Variants in KAZN observed in about 807,000 individuals in gnomAD.
The protein encoded by KAZN is kazrin, periplakin interacting protein, also known as kazrin.
In KAZN, 40 loss-of-function variants were observed where a neutral mutation model predicts 87.4. The observed-to-expected ratio is 0.46, with a 90% CI of 0.36 to 0.60. The LOEUF is 0.60. Among genes scored for constraint, KAZN ranks in the 20% least tolerant of loss-of-function variants. The probability of loss-of-function intolerance (pLI) is 0.00; values close to 1 mark genes in which losing one functional copy is unlikely to be tolerated. For synonymous variants in KAZN, 466 were observed against 458.3 expected, an observed-to-expected ratio of 1.02 and a Z score of -0.22; for missense variants, 898 against 1,073.9, an observed-to-expected ratio of 0.84 and a Z score of 2.29.
At chr1:14,525,835 G>A (rs1269579586) in intron 2 of KAZN, among the ~76,000 whole-genome samples, 1 of 152,194 alleles carries the variant, frequency 6.6e-6, no homozygotes. Context: ...TTAATACTCA[G>A]TGCAATCCTA....
chr1:14,927,856 C>T (rs552956379), intron 1 of KAZN, among the ~76,000 whole-genome samples: 17 of 152,286 alleles, frequency 1.1e-4, no homozygotes, highest in African/African-American at 4.1e-4. Context: ...ATGAAACCCG[C>T]GGTTGAGGGG....
At chr1:14,065,346 AAC>A (rs555356347) in intron 1 of KAZN, among the ~76,000 whole-genome samples, 213 of 152,332 alleles carry the variant, frequency 1.4e-3, no homozygotes, top group African/African-American at 4.9e-3. Context: ...CTTTCACGGT[AAC>A]ACACACATGA....
chr1:14,536,978 G>A (rs1199313094), intron 2 of KAZN, among the ~76,000 whole-genome samples: 1 of 152,092 alleles, frequency 6.6e-6, no homozygotes, highest in Non-Finnish European at 1.5e-5. Context: ...TACAATAGAT[G>A]TTCACTAGAC....
chr1:14,469,264 A>G (rs1668322339), intron 2 of KAZN, among the ~76,000 whole-genome samples: 1 of 152,258 alleles, frequency 6.6e-6, no homozygotes, highest in Non-Finnish European at 1.5e-5. Flanking sequence ...AAAGTGTTCC[A>G]ATAGATCTTT....
intron 1 of KAZN, among the ~76,000 whole-genome samples, chr1:14,685,014 G>T (rs2148770363): frequency 6.6e-6 from 1 of 152,326 alleles, no homozygotes; most frequent in South Asian, 2.1e-4. Flanking sequence ...ATTGTCCTAT[G>T]TGCTCCATCC....
At chr1:14,657,516 T>C (rs1045209940) in intron 1 of KAZN, among the ~76,000 whole-genome samples, 3 of 152,192 alleles carry the variant, frequency 2.0e-5, no homozygotes, top group African/African-American at 7.2e-5. Flanking sequence ...GGACCACACT[T>C]TGGGGACACT....
intron 1 of KAZN, among the ~76,000 whole-genome samples, chr1:14,783,103 T>G (rs773814461): frequency 6.6e-6 from 1 of 152,120 alleles, no homozygotes; most frequent in Non-Finnish European, 1.5e-5. Context: ...AGCCCTGAAG[T>G]GCTCAGTGCA....
intron 1 of KAZN, among the ~76,000 whole-genome samples, chr1:14,604,303 AG>A (rs1167153846): frequency 2.0e-5 from 3 of 152,196 alleles, no homozygotes; most frequent in Non-Finnish European, 4.4e-5. Flanking sequence ...CGAAGCCAAC[AG>A]GGTGGCCATC....
rs757461265 is a variant in KAZN at position 14,166,053 on chromosome 1, G to A, written c.92-14382G>A. ...GTAAATTAAAAAAACTAACATTCAC[G>A]CCTATAATCCCAGCACTTCGGGAGG... On this transcript the variant is annotated intron_variant, in intron 1 of 16. Coordinates refer to the KAZN transcript ENST00000636203. Among the ~76,000 whole-genome samples the A allele has an allele frequency of 7.9e-5, 12 of 152,136 alleles. No homozygotes were observed. The South Asian group carries it at 8.3e-4, about 10-fold the overall frequency.
intron 2 of KAZN, among the ~76,000 whole-genome samples, chr1:14,551,230 A>G (rs1160420736): frequency 6.6e-6 from 1 of 152,184 alleles, no homozygotes; most frequent in Non-Finnish European, 1.5e-5. Flanking sequence ...TCATATGGAT[A>G]GATTTCACCT....
At chr1:13,996,337 G>A (rs1639517912) in intron 1 of KAZN, among the ~76,000 whole-genome samples, 1 of 152,080 alleles carries the variant, frequency 6.6e-6, no homozygotes. Flanking sequence ...GGAGGGAGGG[G>A]CAACCAGCAC....
At chr1:14,877,309 G>A (rs1416699747) in intron 1 of KAZN, among the ~76,000 whole-genome samples, 2 of 152,130 alleles carry the variant, frequency 1.3e-5, no homozygotes, top group African/African-American at 2.4e-5. Flanking sequence ...GCTAAGGATC[G>A]CCAAGAGAAA....
intron 1 of KAZN, among the ~76,000 whole-genome samples, chr1:14,014,019 C>T (rs2101207172): frequency 6.6e-6 from 1 of 152,284 alleles, no homozygotes. Flanking sequence ...GTTGCTTGTC[C>T]TTGCATTAAA....
Position 14,134,969 on chromosome 1 carries a change from G to GCA in KAZN, c.92-45433_92-45432dup, listed in dbSNP as rs35930772. Reference sequence around the variant, plus strand: ...CACAAGCATGCATGCATATGCACCCGCACACACACACACACACACACACAC... The same window carrying GCA: ...CACAAGCATGCATGCATATGCACCCGCACACACACACACACACACACACACAC... On this transcript the variant is annotated intron_variant, in intron 1 of 16. Coordinates refer to the KAZN transcript ENST00000636203. 2.0e-3 allele frequency among the ~76,000 whole-genome samples: 198 copies of GCA among 99,068 alleles called. No individual in the cohort carries two copies. The South Asian group carries it at 0.03, about 15-fold the overall frequency. The allele number at this position is 99,068 out of a possible 152,430, so 65.0% of individuals were successfully genotyped here.
chr1:14,625,454 A>G (rs979015543), intron 1 of KAZN, among the ~76,000 whole-genome samples: 1 of 152,228 alleles, frequency 6.6e-6, no homozygotes, highest in African/African-American at 2.4e-5. Flanking sequence ...GAACAGTTTA[A>G]AAGCAGAGGA....
intron 1 of KAZN, among the ~76,000 whole-genome samples, chr1:14,022,890 C>T (rs1640910465): frequency 6.6e-6 from 1 of 152,158 alleles, no homozygotes. Context: ...CCCATTTCTA[C>T]CATGAAGTGT....
chr1:14,162,217 A>C (rs1215161758), intron 1 of KAZN, among the ~76,000 whole-genome samples: 5 of 152,024 alleles, frequency 3.3e-5, no homozygotes, highest in Non-Finnish European at 7.4e-5. Flanking sequence ...TGCTGGTAGA[A>C]CTCTGGGGAT....
intron 1 of KAZN, among the ~76,000 whole-genome samples, chr1:14,154,118 T>A (rs1645537134): frequency 6.6e-6 from 1 of 152,210 alleles, no homozygotes. Context: ...ATAATATCGA[T>A]TCTTCCAATC....
At chr1:14,745,855 T>A (rs1003220460) in intron 1 of KAZN, among the ~76,000 whole-genome samples, 14 of 152,304 alleles carry the variant, frequency 9.2e-5, no homozygotes, top group African/African-American at 3.4e-4. Context: ...ACTGCTATAT[T>A]TTCTGTTGGG....
Sources: gnomAD v4.1 joint callset for allele counts (sites outside exome capture counted in the v4.1 genomes callset) on GRCh38, gnomAD v4.1.1 for gene constraint, MANE v1.5 for transcripts, NCBI Gene and HGNC (gene_info 2026-07-23, HGNC 2026-07-21) for gene names.